Variants in AUTS2 observed in about 807,000 individuals in gnomAD.
AUTS2 encodes activator of transcription and developmental regulator AUTS2, also known as autism susceptibility gene 2 protein.
Under a neutral mutation model 112.4 loss-of-function variants are expected in AUTS2, and 17 were observed. The ratio of observed to expected loss-of-function variants is 0.15; its 90% CI spans 0.10 to 0.23. The LOEUF (loss-of-function observed/expected upper bound fraction) is 0.23, where lower values mean the gene tolerates loss of function less well. Ranked by LOEUF, AUTS2 falls within the 10% of genes least tolerant of loss-of-function variation. The pLI is 1.00. For missense variants in AUTS2, 1,510 were observed against 1,701.6 expected (o/e 0.89, Z 1.98); for synonymous variants, 751 against 702.7 (o/e 1.07, Z -1.09).
chr7:70,305,041 T>C (rs1313556226), intron 4 of AUTS2, among the ~76,000 whole-genome samples: 3 of 152,202 alleles, frequency 2.0e-5, no homozygotes, highest in African/African-American at 7.2e-5. Flanking sequence ...TCACATAAAC[T>C]TTCTCAAAGG....
intron 5 of AUTS2, among the ~76,000 whole-genome samples, chr7:70,585,573 T>C (rs1007307716): frequency 6.6e-6 from 1 of 152,208 alleles, no homozygotes; most frequent in Non-Finnish European, 1.5e-5. Context: ...ACATAGGAAC[T>C]GATCTGCCAT....
chr7:69,695,341 A>G (rs1380627436), intron 1 of AUTS2, among the ~76,000 whole-genome samples: 1 of 152,096 alleles, frequency 6.6e-6, no homozygotes, highest in East Asian at 1.9e-4. Flanking sequence ...AAAAGAAAAA[A>G]AATTTTTTTA....
At position 69,751,034 on chromosome 7, in the gene AUTS2, A is replaced by T. The variant is rs149941130; in HGVS notation, c.310-148252A>T. On this transcript the variant is annotated intron_variant, in intron 1 of 18. Transcript: ENST00000342771. ...AAAACATTTTGTTTAGAAAAATTGT[A>T]CATCTTCTTTGAAGGTTTTTGTTCA... is the stretch of plus-strand genomic sequence containing the variant. Among the ~76,000 whole-genome samples, 816 of 152,230 alleles carry T rather than the reference A, an allele frequency of 5.4e-3. 7 individuals are homozygous for T. Among genetic ancestry groups the T allele is most frequent in the African/African-American group, 0.019 (787 of 41,548 alleles).
At chr7:70,583,577 A>G (rs1802552615) in intron 5 of AUTS2, among the ~76,000 whole-genome samples, 1 of 152,176 alleles carries the variant, frequency 6.6e-6, no homozygotes, top group Non-Finnish European at 1.5e-5. Context: ...CTTCACAGAA[A>G]CTTCCCAGGT....
At chr7:70,403,026 T>C (rs1371195350) in intron 4 of AUTS2, among the ~76,000 whole-genome samples, 1 of 152,234 alleles carries the variant, frequency 6.6e-6, no homozygotes, top group Non-Finnish European at 1.5e-5. Flanking sequence ...GAAATAATAC[T>C]GTTACGAAGG....
intron 1 of AUTS2, among the ~76,000 whole-genome samples, chr7:69,821,995 G>T (rs1227026998): frequency 6.6e-6 from 1 of 151,716 alleles, no homozygotes; most frequent in Non-Finnish European, 1.5e-5. Flanking sequence ...AGGTTATTGA[G>T]CAGGGAAGTA....
chr7:70,583,381 C>T (rs1802537323), intron 5 of AUTS2, among the ~76,000 whole-genome samples: 1 of 152,214 alleles, frequency 6.6e-6, no homozygotes, highest in South Asian at 2.1e-4. Flanking sequence ...GTTCAATTCT[C>T]TTTGCTGCCA....
chr7:70,769,270 A>G (rs1191228186), intron 10 of AUTS2, among the ~76,000 whole-genome samples: 3 of 152,068 alleles, frequency 2.0e-5, no homozygotes, highest in African/African-American at 7.2e-5. Context: ...ATACAAAAAC[A>G]TATTTCACGG....
chr7:70,203,344 TAA>T lies in AUTS2; in HGVS notation c.660+68790_660+68791del, dbSNP rs1229996091. 8.3e-4 allele frequency among the ~76,000 whole-genome samples: 92 copies of T among 110,560 alleles called. 1 individual carries two copies. Among genetic ancestry groups the T allele is most frequent in the African/African-American group, 2.9e-3 (83 of 28,422 alleles). 72.5% of individuals were successfully genotyped at this position (110,560 alleles called of 152,430 possible). ...ATGTACCCTAAAACTTAGAGTATAA[TAA>T]AAAAAAAAAAAAAAAAGAAGTTTAC... On this transcript the variant is annotated intron_variant, in intron 4 of 18. Coordinates refer to ENST00000342771, the MANE Select transcript of AUTS2 (RefSeq NM_015570.4).
chr7:70,367,499 T>C (rs1792634143), intron 4 of AUTS2, among the ~76,000 whole-genome samples: 1 of 150,372 alleles, frequency 6.7e-6, no homozygotes, highest in African/African-American at 2.5e-5. Context: ...GAGCTTGCAG[T>C]GAGCTGAGAA....
At chr7:70,040,372 G>A (rs1789496719) in intron 2 of AUTS2, among the ~76,000 whole-genome samples, 1 of 152,096 alleles carries the variant, frequency 6.6e-6, no homozygotes, top group Non-Finnish European at 1.5e-5. Flanking sequence ...TCTGAAAAAA[G>A]TATTAATTTT....
intron 2 of AUTS2, among the ~76,000 whole-genome samples, chr7:69,991,097 G>A (rs1298409222): frequency 6.6e-6 from 1 of 152,168 alleles, no homozygotes; most frequent in Non-Finnish European, 1.5e-5. Flanking sequence ...AAAAATGAAA[G>A]AGAGTCTGGG....
chr7:70,712,150 A>G (rs1268043119), intron 6 of AUTS2, among the ~76,000 whole-genome samples: 1 of 138,900 alleles, frequency 7.2e-6, no homozygotes, highest in Non-Finnish European at 1.5e-5. Flanking sequence ...CAGCCTCCCA[A>G]GTAGGCTAGG....
intron 4 of AUTS2, among the ~76,000 whole-genome samples, chr7:70,178,795 TA>T (rs530415474): frequency 1.7e-4 from 25 of 146,332 alleles, no homozygotes; most frequent in East Asian, 5.9e-4. Context: ...GGAGACTGTC[TA>T]AAAAAAAAAA....
At chr7:69,680,526 T>C (rs1796744946) in intron 1 of AUTS2, among the ~76,000 whole-genome samples, 1 of 152,044 alleles carries the variant, frequency 6.6e-6, no homozygotes, top group Admixed American at 6.5e-5. Flanking sequence ...AGTATAGTCA[T>C]TTCATTGTGA....
chr7:70,174,588 C>G (rs1187951129), intron 4 of AUTS2, among the ~76,000 whole-genome samples: 1 of 152,180 alleles, frequency 6.6e-6, no homozygotes, highest in Non-Finnish European at 1.5e-5. Context: ...AAAGGACAGG[C>G]TGACTCTTCG....
At chr7:69,970,277 G>A (rs943915569) in intron 2 of AUTS2, among the ~76,000 whole-genome samples, 4 of 152,004 alleles carry the variant, frequency 2.6e-5, no homozygotes, top group African/African-American at 7.2e-5. Flanking sequence ...TTTTTGGTGT[G>A]TTTTTCTATG....
chr7:70,546,827 A>G (rs1489982646), intron 5 of AUTS2, among the ~76,000 whole-genome samples: 1 of 152,062 alleles, frequency 6.6e-6, no homozygotes, highest in Non-Finnish European at 1.5e-5. Context: ...AGAGAGAGCC[A>G]CTGTAGATAG....
intron 4 of AUTS2, among the ~76,000 whole-genome samples, chr7:70,410,267 A>AT (rs1722534901): frequency 6.6e-6 from 1 of 152,150 alleles, no homozygotes; most frequent in African/African-American, 2.4e-5. Context: ...AGCACTTCCT[A>AT]TTACTGCTCT....
Sources: allele counts gnomAD v4.1 joint callset (sites outside exome capture counted in the v4.1 genomes callset), GRCh38; gene constraint gnomAD v4.1.1; transcripts MANE v1.5; gene names NCBI Gene and HGNC (gene_info 2026-07-23, HGNC 2026-07-21).